The following MAGI2 variants were observed in gnomAD, a reference collection of about 807,000 sequenced individuals.
The protein encoded by MAGI2 is membrane associated guanylate kinase, WW and PDZ domain containing 2.
In MAGI2, 35 loss-of-function variants were observed where a neutral mutation model predicts 133.3. The ratio of observed to expected loss-of-function variants is 0.26; its 90% CI spans 0.20 to 0.35. The LOEUF (loss-of-function observed/expected upper bound fraction) is 0.35, where lower values mean the gene tolerates loss of function less well. MAGI2 is among the 10% of genes least tolerant of loss of function. MAGI2 has a pLI of 1.00. For synonymous variants in MAGI2, 729 were observed against 710.6 expected (o/e 1.03, Z -0.41); for missense variants, 1,636 against 1,863.4 (o/e 0.88, Z 2.25).
At chr7:79,364,306 A>G (rs1205367502) in intron 1 of MAGI2, among the ~76,000 whole-genome samples, 4 of 152,174 alleles carry the variant, frequency 2.6e-5, no homozygotes, top group East Asian at 1.9e-4. Context: ...TAATACCTAT[A>G]TATGTATTAC....
At chr7:79,094,554 T>C (rs928809511) in intron 1 of MAGI2, among the ~76,000 whole-genome samples, 1 of 152,224 alleles carries the variant, frequency 6.6e-6, no homozygotes, top group South Asian at 2.1e-4. Flanking sequence ...TCAATTTACT[T>C]TGCCCAGGTC....
intron 1 of MAGI2, among the ~76,000 whole-genome samples, chr7:79,030,934 A>G (rs916163231): frequency 2.6e-5 from 4 of 152,224 alleles, no homozygotes; most frequent in African/African-American, 9.6e-5. Flanking sequence ...TATGGAACTT[A>G]TCACTGATTA....
At chr7:79,282,815 T>G (rs568616248) in intron 1 of MAGI2, among the ~76,000 whole-genome samples, 22 of 152,254 alleles carry the variant, frequency 1.4e-4, no homozygotes, top group African/African-American at 5.1e-4. Flanking sequence ...TCCAGAAATC[T>G]AAGTACATTG....
chr7:79,217,424 T>G (rs1830106353), intron 1 of MAGI2, among the ~76,000 whole-genome samples: 1 of 152,076 alleles, frequency 6.6e-6, no homozygotes, highest in Non-Finnish European at 1.5e-5. Flanking sequence ...TGTGTGAGTA[T>G]TTTCTCTATG....
At chr7:78,929,119 TG>T (rs1188196285) in intron 2 of MAGI2, among the ~76,000 whole-genome samples, 1 of 152,110 alleles carries the variant, frequency 6.6e-6, no homozygotes, top group East Asian at 1.9e-4. Context: ...ATAAAATGTG[TG>T]TTAAATATAA....
chr7:78,506,216 A>G (rs778228956), intron 4 of MAGI2, among the ~76,000 whole-genome samples: 18 of 152,136 alleles, frequency 1.2e-4, no homozygotes, highest in Non-Finnish European at 2.2e-4. Flanking sequence ...TTTAGAGGGT[A>G]GATTTTATAA....
chr7:78,774,433 A>G (rs1335430097), intron 2 of MAGI2, among the ~76,000 whole-genome samples: 1 of 152,214 alleles, frequency 6.6e-6, no homozygotes, highest in African/African-American at 2.4e-5. Context: ...CTAAGAAGCC[A>G]CTAAAAACCA....
chr7:78,851,882 A>G (rs1584147243), intron 2 of MAGI2, among the ~76,000 whole-genome samples: 1 of 152,164 alleles, frequency 6.6e-6, no homozygotes. Flanking sequence ...ATAGATATAC[A>G]AATTTTCACA....
At chr7:78,053,293 T>C (rs1017667001) in intron 21 of MAGI2, among the ~76,000 whole-genome samples, 1 of 152,328 alleles carries the variant, frequency 6.6e-6, no homozygotes, top group South Asian at 2.1e-4. Context: ...TTTTAGAACA[T>C]TAGTCTTTCA....
At chr7:78,558,109 A>G (rs1196148956) in intron 3 of MAGI2, among the ~76,000 whole-genome samples, 1 of 152,190 alleles carries the variant, frequency 6.6e-6, no homozygotes, top group African/African-American at 2.4e-5. Context: ...CTTAATATAT[A>G]TCAATTGAAT....
intron 2 of MAGI2, among the ~76,000 whole-genome samples, chr7:78,852,216 T>A (rs1793202631): frequency 6.6e-6 from 1 of 152,132 alleles, no homozygotes; most frequent in Admixed American, 6.5e-5. Flanking sequence ...TTCAATGAAA[T>A]CTATTCATTT....
intron 1 of MAGI2, among the ~76,000 whole-genome samples, chr7:79,162,606 A>G (rs1164248958): frequency 1.3e-5 from 2 of 152,224 alleles, no homozygotes; most frequent in East Asian, 1.9e-4. Flanking sequence ...ATCCACTCCA[A>G]CCATAAGGAA....
At chr7:79,235,064 C>T (rs1441566348) in intron 1 of MAGI2, among the ~76,000 whole-genome samples, 13 of 151,752 alleles carry the variant, frequency 8.6e-5, no homozygotes, top group Non-Finnish European at 1.3e-4. Context: ...TGTGAGGTGT[C>T]AGTGTGCCCC....
intron 1 of MAGI2, among the ~76,000 whole-genome samples, chr7:79,137,255 C>T (rs985416216): frequency 6.6e-6 from 1 of 152,066 alleles, no homozygotes; most frequent in South Asian, 2.1e-4. Flanking sequence ...GTGCCCTTCA[C>T]AGTCAGTGCT....
chr7:79,336,766 T>C (rs756717507), intron 1 of MAGI2, among the ~76,000 whole-genome samples: 16 of 152,146 alleles, frequency 1.1e-4, no homozygotes, highest in Non-Finnish European at 2.2e-4. Context: ...CATCCATGTT[T>C]TGGCAAATGG....
At chr7:78,404,116 T>C (rs1298916843) in intron 6 of MAGI2, among the ~76,000 whole-genome samples, 1 of 151,948 alleles carries the variant, frequency 6.6e-6, no homozygotes. Context: ...AAGGATTCCT[T>C]GTAAGGACCT....
At chr7:79,295,112 G>A (rs1443357339) in intron 1 of MAGI2, among the ~76,000 whole-genome samples, 1 of 151,878 alleles carries the variant, frequency 6.6e-6, no homozygotes, top group Non-Finnish European at 1.5e-5. Context: ...TCTTGATGGA[G>A]TTTTATTTTG....
At chr7:78,491,522 C>G (rs927596969) in intron 5 of MAGI2, among the ~76,000 whole-genome samples, 3 of 151,982 alleles carry the variant, frequency 2.0e-5, no homozygotes, top group Non-Finnish European at 4.4e-5. Flanking sequence ...CAACAGGGCT[C>G]TAATAAATTG....
chr7:78,266,904 C>T (rs1794075874), intron 9 of MAGI2, among the ~76,000 whole-genome samples: 1 of 152,168 alleles, frequency 6.6e-6, no homozygotes, highest in Non-Finnish European at 1.5e-5. Flanking sequence ...CAACTGCAGA[C>T]AACCTTCTGA....
Sources: allele counts gnomAD v4.1 joint callset (sites outside exome capture counted in the v4.1 genomes callset), GRCh38; gene constraint gnomAD v4.1.1; transcripts MANE v1.5; gene names NCBI Gene and HGNC (gene_info 2026-07-23, HGNC 2026-07-21).